Variants in DNAH10 observed in about 807,000 individuals in gnomAD.
The protein encoded by DNAH10 is axonemal beta dynein heavy chain 10.
A neutral mutation model predicts 506.6 loss-of-function variants in DNAH10; 348 were observed. The observed-to-expected ratio is 0.69, with a 90% CI of 0.63 to 0.75. The LOEUF (loss-of-function observed/expected upper bound fraction) is 0.75, where lower values mean the gene tolerates loss of function less well. Among genes scored for constraint, DNAH10 ranks in the 30% least tolerant of loss-of-function variants. The pLI, the probability that DNAH10 is intolerant of heterozygous loss-of-function variation, is 0.00. For synonymous variants in DNAH10, 2,059 were observed against 2,198.6 expected, an observed-to-expected ratio of 0.94 and a Z score of 1.78; for missense variants, 5,179 against 5,787.1, an observed-to-expected ratio of 0.89 and a Z score of 3.41.
intron 30 of DNAH10, 32 bp from the exon 31 acceptor site, chr12:123,845,568 C>G: frequency 6.2e-7 from 1 of 1,607,890 alleles, no homozygotes; most frequent in Middle Eastern, 1.7e-4. Flanking sequence ...CCGGATTGAT[C>G]AGAGCCTCTT....
At position 123,909,182 on chromosome 12, in the gene DNAH10, G is replaced by T. The variant is rs541423301; in HGVS notation, c.9816-79G>T. The T allele has an allele frequency of 1.9e-6, 3 of 1,545,114 alleles. No individual in the cohort carries two copies. The highest frequency in any genetic ancestry group is 2.3e-4 in the Middle Eastern group (1 of 4,422). ...CAGGGACTGTCTTTTGGTTGAGCTC[G>T]TTTTTCTGGAGCTCTCTTTCAGGCC... On this transcript the variant is annotated intron_variant, in intron 57 of 78. Transcript: ENST00000673944. This position sits in a 1 kb window ranked among gnomAD's most constrained non-coding sequence, Gnocchi z 5.4.
intron 40 of DNAH10, 37 bp downstream of exon 40, chr12:123,864,767 T>G (rs1400276932): frequency 6.4e-7 from 1 of 1,569,500 alleles, no homozygotes; most frequent in East Asian, 2.3e-5. Context: ...AACATAAATC[T>G]TTCTTGTAAT....
In DNAH10 at chr12:123,902,830, C is replaced by A. The variant is rs1953586001; in HGVS notation, c.9641-109C>A. The stretch of plus-strand genomic sequence containing the variant: ...ACATTGGCCAGAGCCCCTTAGATCC[C>A]CGCTAGGGCTCAAGCCAACCTTTGA... On this transcript the variant is annotated intron_variant, in intron 56 of 78. Transcript: ENST00000673944. The surrounding 1 kb of genome is among the most constrained non-coding windows in gnomAD (Gnocchi z 4.5). 2.9e-6 allele frequency: 4 copies of A among 1,377,642 alleles called. No individual in the cohort carries two copies. In the South Asian group the frequency reaches 4.6e-5, roughly 16 times the overall value. 85.3% of individuals were successfully genotyped at this position (1,377,642 alleles called of 1,614,324 possible).
At chr12:123,771,456 T>G in intron 2 of DNAH10, 145 bp from the exon 3 acceptor site, 2 of 681,216 alleles carry the variant, frequency 2.9e-6, no homozygotes. Flanking sequence ...CACAATTTGA[T>G]TGATTGGAAC....
chr12:123,796,682 C>T lies in DNAH10; in HGVS notation c.2013C>T (p.Val671=), dbSNP rs1302425019. Residue 671 remains valine, a synonymous_variant, in exon 13 of 79, where the codon GTC becomes GTT. Transcript: ENST00000673944. ...TTGACATCATTAATAAAATCTTTGT[C>T]CAGAACCTTGAAAATCCACCACTGT... is the stretch of plus-strand genomic sequence containing the variant. ...KEIDIINKIF[V]QNLENPPLYK... is the part of the protein sequence containing the mutation. 6.2e-7 allele frequency: 1 copy of T among 1,611,626 alleles called. No individual in the cohort carries two copies. The highest frequency in any genetic ancestry group is 1.3e-5 in the African/African-American group (1 of 74,782).
chr12:123,904,695 C>T (rs1008922406), intron 57 of DNAH10, among the ~76,000 whole-genome samples: 8 of 151,838 alleles, frequency 5.3e-5, no homozygotes, highest in Admixed American at 3.3e-4. Flanking sequence ...TTTAGCAAGT[C>T]ATCTAACCTC....
intron 47 of DNAH10, 75 bp from the exon 48 acceptor site, chr12:123,877,661 C>T: frequency 1.3e-6 from 2 of 1,509,956 alleles, no homozygotes; most frequent in South Asian, 2.6e-5. Context: ...TTGTACGGCT[C>T]TGCCACATTT....
chr12:123,868,074 A>C lies in DNAH10; in HGVS notation c.7474A>C (p.Thr2492Pro). Residue 2492 changes from threonine to proline, a missense_variant, in exon 43 of 79, where the codon ACT becomes CCT. Thr to Pro is a conservative substitution (Grantham distance 38). Transcript: ENST00000673944. ...TATCAAACGCCTTGCTTCTTTGTCT[A>C]CTGTTGACACAGAAGGAGTTTGGGC... ...EYIKRLASLS[T>P]VDTEGVWANP... 1 of 1,613,822 alleles carries C rather than the reference A, an allele frequency of 6.2e-7. No individual in the cohort carries two copies. The highest frequency in any genetic ancestry group is 8.5e-7 in the Non-Finnish European group (1 of 1,179,880).
intron 20 of DNAH10, 47 bp downstream of exon 20, chr12:123,813,687 G>T: frequency 6.2e-7 from 1 of 1,612,758 alleles, no homozygotes; most frequent in Non-Finnish European, 8.5e-7. Context: ...GTGTAAGTTG[G>T]GTCTTCATTT....
chr12:123,912,360 G>C, intron 59 of DNAH10, among the ~76,000 whole-genome samples: 1 of 39,770 alleles, frequency 2.5e-5, no homozygotes, highest in East Asian at 8.5e-4. Flanking sequence ...GTCCTGGGGG[G>C]GTCTGTCCTG....
At chr12:123,789,692 A>G (rs1958006138) in intron 10 of DNAH10, among the ~76,000 whole-genome samples, 1 of 152,130 alleles carries the variant, frequency 6.6e-6, no homozygotes. Context: ...AGAAAGGGAC[A>G]TGGCCTTGGA....
chr12:123,868,708 C>T (rs998429599), intron 43 of DNAH10, among the ~76,000 whole-genome samples: 2 of 152,192 alleles, frequency 1.3e-5, no homozygotes, highest in Non-Finnish European at 2.9e-5. Flanking sequence ...TATTGCTATT[C>T]GAGCATGGCT....
At chr12:123,844,399 T>C (rs1950876090) in intron 30 of DNAH10, among the ~76,000 whole-genome samples, 1 of 152,148 alleles carries the variant, frequency 6.6e-6, no homozygotes, top group South Asian at 2.1e-4. Context: ...AAAAAAAGCT[T>C]TGTCTAAATG....
chr12:123,896,148 C>CACACACACACACAGAGAGAGAG (rs1383690518), intron 54 of DNAH10, among the ~76,000 whole-genome samples: 8 of 95,272 alleles, frequency 8.4e-5, no homozygotes, highest in Non-Finnish European at 1.2e-4. Context: ...CACACACACA[C>CACACACACACACAGAGAGAGAG]AGAGAGAGAG....
chr12:123,901,514 C>T (rs756240486), intron 56 of DNAH10, among the ~76,000 whole-genome samples: 18 of 152,156 alleles, frequency 1.2e-4, no homozygotes, highest in Non-Finnish European at 2.5e-4. Flanking sequence ...AGATGGGTTC[C>T]GAGAGACCTT....
Position 123,934,713 on chromosome 12 carries a change from G to T in DNAH10, c.13570G>T (p.Asp4524Tyr). ...IKSKPKVLVV[D>Y]LPILKIIPIE... ...GAGCAAACCCAAGGTGCTGGTTGTG[G>T]ACCTGCCGATCCTGAAGATCATCCC... Residue 4524 changes from aspartate (D) to tyrosine (Y), a missense_variant, in exon 78 of 79, where the codon GAC becomes TAC. Asp to Tyr is a radical substitution (Grantham distance 160). Coordinates refer to ENST00000673944, the MANE Select transcript of DNAH10 (RefSeq NM_001372106.1). The T allele has an allele frequency of 6.2e-7, 1 of 1,613,728 alleles. No homozygotes were observed. The highest frequency in any genetic ancestry group is 1.1e-5 in the South Asian group (1 of 91,042).
chr12:123,830,205 C>T (rs540499689), intron 25 of DNAH10, among the ~76,000 whole-genome samples: 1 of 152,076 alleles, frequency 6.6e-6, no homozygotes, highest in African/African-American at 2.4e-5. Flanking sequence ...ATGAGGCTCT[C>T]AAAAAGGCTG....
In DNAH10 at chr12:123,926,423, T is replaced by G; in HGVS notation, c.11922-214T>G. 1 of 537,708 alleles carries G rather than the reference T, an allele frequency of 1.9e-6. No individual in the cohort carries two copies. The highest frequency in any genetic ancestry group is 3.2e-6 in the Non-Finnish European group (1 of 313,640). The allele number at this position is 537,708 out of a possible 1,614,324, so 33.3% of individuals were successfully genotyped here. The stretch of plus-strand genomic sequence containing the variant: ...ACCAACTGAATCGAGTGTGAGGGGG[T>G]ACAGAGAAGTCCCTGCCACTCAGGA... On this transcript the variant is annotated intron_variant, in intron 68 of 78. Coordinates refer to ENST00000673944, the MANE Select transcript of DNAH10 (RefSeq NM_001372106.1). The surrounding 1 kb of genome is among the most constrained non-coding windows in gnomAD (Gnocchi z 4.1).
chr12:123,823,655 G>T (rs772424241), intron 24 of DNAH10, among the ~76,000 whole-genome samples: 1 of 152,132 alleles, frequency 6.6e-6, no homozygotes, highest in African/African-American at 2.4e-5. Context: ...TGTCTATATG[G>T]GATACATAGA....
Sources: allele counts gnomAD v4.1 joint callset (sites outside exome capture counted in the v4.1 genomes callset), GRCh38; gene constraint gnomAD v4.1.1; non-coding constraint Gnocchi (gnomAD v3.1); transcripts MANE v1.5; gene names NCBI Gene and HGNC (gene_info 2026-07-23, HGNC 2026-07-21).